Variants in TAFA2 observed in about 807,000 individuals in gnomAD.
The protein encoded by TAFA2 is chemokine-like protein TAFA-2.
Under a neutral mutation model 18.8 loss-of-function variants are expected in TAFA2, and 7 were observed. The observed-to-expected ratio is 0.37, with a 90% confidence interval of 0.21 to 0.70. TAFA2 has a LOEUF of 0.70. Among genes scored for constraint, TAFA2 ranks in the 30% least tolerant of loss-of-function variants. The probability of loss-of-function intolerance (pLI) is 0.53; values close to 1 mark genes in which losing one functional copy is unlikely to be tolerated. For missense variants in TAFA2, 122 were observed against 158.1 expected (o/e 0.77, Z 1.23); for synonymous variants, 60 against 54.2 (o/e 1.11, Z -0.47).
rs75239461 is a variant in TAFA2 at position 62,184,054 on chromosome 12, C to T, written c.-2+7205G>A. On this transcript the variant is annotated intron_variant, in intron 1 of 4. Transcript: ENST00000416284. ...CAATTTTATGTCCCAAGGTCTATAG[C>T]CTTTAGTCATCACCATAATCATCAT... 4.0e-4 allele frequency among the ~76,000 whole-genome samples: 61 copies of T among 152,226 alleles called. 1 individual carries two copies. In the East Asian group the frequency reaches 0.011, roughly 28 times the overall value.
intron 1 of TAFA2, among the ~76,000 whole-genome samples, chr12:62,177,574 T>G (rs1048763334): frequency 6.6e-6 from 1 of 152,228 alleles, no homozygotes; most frequent in South Asian, 2.1e-4. Context: ...ATTTAAGCCG[T>G]AATTCTGTTC....
rs1870577447 is a variant in TAFA2 at position 61,783,125 on chromosome 12, C to T, written c.107-28101G>A. Among the ~76,000 whole-genome samples, 3 of 151,738 alleles carry T rather than the reference C, an allele frequency of 2.0e-5. No individual in the cohort carries two copies. The South Asian group carries it at 6.2e-4, about 31-fold the overall frequency. On this transcript the variant is annotated intron_variant, in intron 2 of 4. Transcript: ENST00000416284. ...TTGTTTGAAAACTAGCTACATAAAA[C>T]ACTGCTTACAGATAATTAACTACCT... is the stretch of plus-strand genomic sequence containing the variant.
At chr12:61,919,553 G>A (rs1161604788) in intron 1 of TAFA2, among the ~76,000 whole-genome samples, 1 of 152,098 alleles carries the variant, frequency 6.6e-6, no homozygotes, top group Non-Finnish European at 1.5e-5. Context: ...AGCCCTGTAA[G>A]CCACTATCTA....
At chr12:61,978,172 A>G (rs1879504091) in intron 1 of TAFA2, among the ~76,000 whole-genome samples, 2 of 152,030 alleles carry the variant, frequency 1.3e-5, no homozygotes, top group Non-Finnish European at 2.9e-5. Context: ...GTAGGAGACT[A>G]TGTGGATTAA....
intron 1 of TAFA2, among the ~76,000 whole-genome samples, chr12:61,969,937 A>G (rs575225073): frequency 6.6e-6 from 1 of 151,778 alleles, no homozygotes; most frequent in South Asian, 2.1e-4. Flanking sequence ...AGCAAACGGC[A>G]AGTGAAGCTA....
intron 4 of TAFA2, among the ~76,000 whole-genome samples, chr12:61,724,920 G>C (rs896893165): frequency 2.1e-5 from 3 of 146,006 alleles, no homozygotes; most frequent in African/African-American, 7.7e-5. Context: ...GGTTGTACTA[G>C]TTTACATTCC....
chr12:62,023,528 C>A (rs745872553), intron 1 of TAFA2: 3 of 151,602 alleles, frequency 2.0e-5, no homozygotes, highest in Non-Finnish European at 2.9e-5. Context: ...TGGAGCACTG[C>A]ACAAACTACA....
chr12:61,763,402 C>G (rs1325976272), intron 2 of TAFA2, among the ~76,000 whole-genome samples: 1 of 151,858 alleles, frequency 6.6e-6, no homozygotes, highest in Admixed American at 6.6e-5. Flanking sequence ...TAAGAGAAAG[C>G]GACAAAACAA....
intron 4 of TAFA2, among the ~76,000 whole-genome samples, chr12:61,734,591 G>T (rs2120670654): frequency 6.6e-6 from 1 of 152,058 alleles, no homozygotes; most frequent in African/African-American, 2.4e-5. Flanking sequence ...CCCATTTATG[G>T]CAAACTTGTT....
At chr12:61,896,593 A>G (rs78716496) in intron 1 of TAFA2, among the ~76,000 whole-genome samples, 1 of 152,212 alleles carries the variant, frequency 6.6e-6, no homozygotes, top group Non-Finnish European at 1.5e-5. Context: ...AAGGATTTCA[A>G]TCTGCTTGTT....
chr12:62,238,610 A>T lies in TAFA2; in HGVS notation c.-130+20153T>A, dbSNP rs115739005. Among the ~76,000 whole-genome samples the T allele has an allele frequency of 7.5e-3, 1,145 of 152,290 alleles. 16 individuals carry two copies. Among genetic ancestry groups the T allele is most frequent in the African/African-American group, 0.027 (1,111 of 41,544 alleles). ...TTTTGATTCCACAATCCAAACCCTT[A>T]ATACTCAGTAATTTTAATTGAAACC... On this transcript the variant is annotated intron_variant, in intron 1 of 5. Coordinates refer to the TAFA2 transcript ENST00000551619.
At chr12:61,800,433 A>G (rs2120967077) in intron 2 of TAFA2, among the ~76,000 whole-genome samples, 1 of 152,320 alleles carries the variant, frequency 6.6e-6, no homozygotes, top group African/African-American at 2.4e-5. Flanking sequence ...GAAATCAGAA[A>G]AACAAGAAAG....
chr12:62,197,132 A>G (rs2062652259), upstream of TAFA2, among the ~76,000 whole-genome samples: 1 of 152,210 alleles, frequency 6.6e-6, no homozygotes, highest in Admixed American at 6.5e-5. Context: ...CTAATGCCTG[A>G]TGATCTGAGG....
intron 2 of TAFA2, among the ~76,000 whole-genome samples, chr12:61,808,401 G>A (rs1244167685): frequency 6.6e-6 from 1 of 151,366 alleles, no homozygotes; most frequent in Non-Finnish European, 1.5e-5. Context: ...CCAGTCTCGG[G>A]TATGTCTTTA....
intron 2 of TAFA2, among the ~76,000 whole-genome samples, chr12:61,853,454 T>C (rs1290935253): frequency 6.6e-6 from 1 of 150,460 alleles, no homozygotes; most frequent in African/African-American, 2.5e-5. Flanking sequence ...TAATTTTTGA[T>C]GGCGGATTAA....
intron 1 of TAFA2, among the ~76,000 whole-genome samples, chr12:61,920,139 G>T (rs886824553): frequency 1.3e-5 from 2 of 152,110 alleles, no homozygotes; most frequent in Non-Finnish European, 1.5e-5. Flanking sequence ...CACTAACTTA[G>T]ATGGTAAATG....
chr12:61,986,595 G>A (rs930353682), intron 1 of TAFA2, among the ~76,000 whole-genome samples: 13 of 151,462 alleles, frequency 8.6e-5, no homozygotes, highest in Admixed American at 4.0e-4. Context: ...CACCACACCC[G>A]GTCCAAACGA....
At chr12:61,991,805 C>G (rs1475685438) in intron 1 of TAFA2, among the ~76,000 whole-genome samples, 1 of 152,210 alleles carries the variant, frequency 6.6e-6, no homozygotes, top group Non-Finnish European at 1.5e-5. Flanking sequence ...CAGCTCCTGT[C>G]AAGGTCACCA....
chr12:62,104,895 T>C (rs1044699520), intron 1 of TAFA2: 2 of 264,102 alleles, frequency 7.6e-6, no homozygotes, highest in Non-Finnish European at 1.5e-5. Context: ...TCTCCCTGGA[T>C]GTTTACATTT....
Sources: gnomAD v4.1 joint callset for allele counts (sites outside exome capture counted in the v4.1 genomes callset) on GRCh38, gnomAD v4.1.1 for gene constraint, MANE v1.5 for transcripts, NCBI Gene and HGNC (gene_info 2026-07-23, HGNC 2026-07-21) for gene names.